SAMD5: variants seen among roughly 807,000 people sequenced by gnomAD.
SAMD5 encodes sterile alpha motif domain-containing protein 5.
Under a neutral mutation model 11.3 loss-of-function variants are expected in SAMD5, and 13 were observed. The observed-to-expected ratio is 1.15, with a 90% CI of 0.75 to 1.83. The LOEUF (loss-of-function observed/expected upper bound fraction) is 1.83. SAMD5 is among the 40% of genes most tolerant of loss of function. SAMD5 has a pLI of 0.00. For missense variants in SAMD5, 255 were observed against 239.1 expected (o/e 1.07, Z -0.44); for synonymous variants, 129 against 111.3 (o/e 1.16, Z -1.00).
At chr6:147,870,478 G>GTATATA in the SAMD5 span, among the ~76,000 whole-genome samples, 26 of 136,088 alleles carry the variant, frequency 1.9e-4, no homozygotes, top group South Asian at 1.6e-3. Context: ...GTGTGTGTGT[G>GTATATA]TGTGTATATA....
chr6:147,781,132 T>C, the SAMD5 span, among the ~76,000 whole-genome samples: 3 of 152,004 alleles, frequency 2.0e-5, no homozygotes, highest in South Asian at 4.1e-4. Context: ...AAATTTTTGT[T>C]TCGATGGTTG....
chr6:147,751,239 A>G, the SAMD5 span, among the ~76,000 whole-genome samples: 1 of 149,470 alleles, frequency 6.7e-6, no homozygotes, highest in Non-Finnish European at 1.5e-5. Flanking sequence ...TAGAATTGCA[A>G]CTCCCCCTTG....
At chr6:147,644,705 T>G (rs940537469) in intron 1 of SAMD5, among the ~76,000 whole-genome samples, 1 of 152,224 alleles carries the variant, frequency 6.6e-6, no homozygotes, top group Admixed American at 6.5e-5. Context: ...ACTTTTCTTC[T>G]TAAGCTTTTC....
chr6:147,671,983 CT>C lies in SAMD5; in HGVS notation c.163-65332del, dbSNP rs551377645. ...CTTGACAAATTCCATAGAAAATTCT[CT>C]TGGGGATTTTGTTGCAGTCTGCATT... On this transcript the variant is annotated intron_variant, in intron 1 of 1. Transcript: ENST00000566741. Among the ~76,000 whole-genome samples the C allele has an allele frequency of 4.9e-3, 685 of 139,398 alleles. 4 individuals carry two copies. Among genetic ancestry groups the C allele is most frequent in the Middle Eastern group, 0.024 (6 of 248 alleles). The allele number at this position is 139,398 out of a possible 152,430, so 91.5% of individuals were successfully genotyped here.
the SAMD5 span, among the ~76,000 whole-genome samples, chr6:147,864,497 T>A: frequency 2.2e-4 from 34 of 152,324 alleles, no homozygotes; most frequent in African/African-American, 8.2e-4. Flanking sequence ...AAATGAGATG[T>A]CCTTTACAGG....
At chr6:147,589,193 A>T (rs1789418771) in intron 1 of SAMD5, among the ~76,000 whole-genome samples, 1 of 152,090 alleles carries the variant, frequency 6.6e-6, no homozygotes, top group Admixed American at 6.5e-5. Flanking sequence ...TCCTAGGCTC[A>T]AGCAATCCTC....
intron 1 of SAMD5, among the ~76,000 whole-genome samples, chr6:147,561,887 T>G (rs1199301638): frequency 6.6e-6 from 1 of 152,230 alleles, no homozygotes; most frequent in African/African-American, 2.4e-5. Flanking sequence ...CCTATGGTCA[T>G]GAAGCAACAT....
chr6:147,799,437 C>A, the SAMD5 span, among the ~76,000 whole-genome samples: 1 of 151,730 alleles, frequency 6.6e-6, no homozygotes, highest in Non-Finnish European at 1.5e-5. Context: ...CCGAGAGATC[C>A]GCTGTTAGTC....
At chr6:147,616,859 T>A (rs542900000) in intron 1 of SAMD5, among the ~76,000 whole-genome samples, 3 of 152,280 alleles carry the variant, frequency 2.0e-5, no homozygotes, top group African/African-American at 7.2e-5. Flanking sequence ...TCTCTGACTA[T>A]CACTAGAAGA....
At chr6:147,522,099 A>G (rs367604124) in intron 1 of SAMD5, among the ~76,000 whole-genome samples, 1 of 152,158 alleles carries the variant, frequency 6.6e-6, no homozygotes, top group East Asian at 1.9e-4. Context: ...AGTATGTGAT[A>G]TAAGGTAAAG....
intron 1 of SAMD5, among the ~76,000 whole-genome samples, chr6:147,539,689 A>G (rs1788568637): frequency 6.6e-6 from 1 of 151,702 alleles, no homozygotes; most frequent in Non-Finnish European, 1.5e-5. Context: ...ATGTGTGTTA[A>G]GAGTGGCAAG....
At chr6:147,667,907 A>G (rs1431774940) in intron 1 of SAMD5, among the ~76,000 whole-genome samples, 1 of 152,204 alleles carries the variant, frequency 6.6e-6, no homozygotes, top group African/African-American at 2.4e-5. Context: ...TGTCCTATAA[A>G]AAGTCCAGGT....
intron 1 of SAMD5, among the ~76,000 whole-genome samples, chr6:147,526,323 A>C (rs952659134): frequency 3.9e-5 from 6 of 152,240 alleles, no homozygotes; most frequent in African/African-American, 1.4e-4. Flanking sequence ...TGTGCAAAGC[A>C]CTGTTGGGGT....
chr6:147,872,988 A>AT, the SAMD5 span, among the ~76,000 whole-genome samples: 1 of 152,176 alleles, frequency 6.6e-6, no homozygotes, highest in Non-Finnish European at 1.5e-5. Flanking sequence ...CAAGCACATA[A>AT]TCAACACAAG....
At chr6:147,873,666 A>C in the SAMD5 span, among the ~76,000 whole-genome samples, 3 of 152,164 alleles carry the variant, frequency 2.0e-5, no homozygotes, top group African/African-American at 7.2e-5. Context: ...AATTTTTATT[A>C]AGTGGTTCTA....
At chr6:147,710,177 C>A (rs1791376784) in intron 1 of SAMD5, among the ~76,000 whole-genome samples, 2 of 152,172 alleles carry the variant, frequency 1.3e-5, no homozygotes, top group African/African-American at 4.8e-5. Context: ...GATCTAGCCA[C>A]CTACTGCTCT....
the SAMD5 span, among the ~76,000 whole-genome samples, chr6:147,911,202 C>G: frequency 6.6e-6 from 1 of 152,168 alleles, no homozygotes; most frequent in African/African-American, 2.4e-5. Flanking sequence ...GAAGGAAGCT[C>G]TCTTTGGACC....
the SAMD5 span, among the ~76,000 whole-genome samples, chr6:147,951,027 CTAAG>C: frequency 1.3e-5 from 2 of 151,164 alleles, no homozygotes; most frequent in Admixed American, 1.3e-4. Context: ...TCTCCATGTG[CTAAG>C]TGAGAGCAAA....
intron 1 of SAMD5, among the ~76,000 whole-genome samples, chr6:147,549,412 A>G (rs1788733653): frequency 6.6e-6 from 1 of 152,228 alleles, no homozygotes; most frequent in African/African-American, 2.4e-5. Context: ...ATGTATGAAC[A>G]GGAAGTGCAA....
Sources: allele counts gnomAD v4.1 joint callset (sites outside exome capture counted in the v4.1 genomes callset), GRCh38; gene constraint gnomAD v4.1.1; transcripts MANE v1.5; gene names NCBI Gene and HGNC (gene_info 2026-07-23, HGNC 2026-07-21).